LTK: variants seen among roughly 807,000 people sequenced by gnomAD.
LTK encodes the protein leukocyte receptor tyrosine kinase.
In LTK, 117 loss-of-function variants were observed where a neutral mutation model predicts 101.5. The ratio of observed to expected loss-of-function variants is 1.15; its 90% confidence interval spans 0.99 to 1.34. LTK has a LOEUF of 1.34. LTK is among the 40% of genes most tolerant of loss of function. The probability of loss-of-function intolerance (pLI) is 0.00; values close to 1 mark genes in which losing one functional copy is unlikely to be tolerated. For synonymous variants in LTK, 563 were observed against 494.2 expected, an observed-to-expected ratio of 1.14 and a Z score of -1.85; for missense variants, 1,252 against 1,164.7, an observed-to-expected ratio of 1.07 and a Z score of -1.09.
chr15:41,511,339 C>A lies in LTK; in HGVS notation c.822G>T (p.Gly274=). The A allele has an allele frequency of 7.4e-7, 1 of 1,359,898 alleles. No individual in the cohort carries two copies. Among genetic ancestry groups the A allele is most frequent in the Non-Finnish European group, 9.4e-7 (1 of 1,064,032 alleles). 84.2% of individuals were successfully genotyped at this position (1,359,898 alleles called of 1,614,324 possible). A position where few individuals can be genotyped will look rare whatever the true frequency, so the allele number is the denominator to read the frequency against. Residue 274 remains glycine (G), a synonymous_variant, in exon 7 of 20, where the codon GGG becomes GGT. Coordinates refer to ENST00000263800, the MANE Select transcript of LTK (RefSeq NM_002344.6). This position sits in a 1 kb window ranked among gnomAD's most constrained non-coding sequence, Gnocchi z 5.9. The part of the protein sequence containing the change: ...SGGRGGAAGG[G]GGWTSRAPSP... ...AGGGAGCCCGCGACGTCCAGCCGCC[C>A]CCACCACCTGCAGAGCGACAGCAGG...
chr15:41,508,339 T>A, intron 8 of LTK, 118 bp from the exon 9 acceptor site: 2 of 818,128 alleles, frequency 2.4e-6, no homozygotes, highest in Non-Finnish European at 3.6e-6. Flanking sequence ...GAGGCCGTGG[T>A]GAGCGGATCA....
chr15:41,504,468 T>C (rs772598510), intron 18 of LTK, 36 bp from the exon 19 acceptor site: 2 of 1,613,844 alleles, frequency 1.2e-6, no homozygotes, highest in Non-Finnish European at 1.7e-6. Context: ...CACCCATGGT[T>C]GTGAAGGACC....
At chr15:41,506,969 C>T in intron 11 of LTK, 126 bp downstream of exon 11, 1 of 825,582 alleles carries the variant, frequency 1.2e-6, no homozygotes. Context: ...CTCAGGGCCT[C>T]CCTCTCCCTT....
rs781404572 is a variant in LTK at position 41,511,263 on chromosome 15, A to T, written c.898T>A (p.Cys300Ser). 1.8e-5 allele frequency: 26 copies of T among 1,420,108 alleles called. No individual in the cohort carries two copies. The East Asian group carries it at 4.6e-4, about 25-fold the overall frequency. The allele number at this position is 1,420,108 out of a possible 1,614,324, so 88.0% of individuals were successfully genotyped here. ...LQEGAEGGQG[C>S]SEAWATLGWA... ...CCAAGGGTCGCCCAAGCCTCGGAGC[A>T]GCCCTGGCCGCCCTCCGCCCCCTCC... Residue 300 changes from cysteine to serine, a missense_variant, in exon 7 of 20, where the codon TGC becomes AGC. Coordinates refer to ENST00000263800, the MANE Select transcript of LTK (RefSeq NM_002344.6). This position sits in a 1 kb window ranked among gnomAD's most constrained non-coding sequence, Gnocchi z 5.9.
At position 41,511,566 on chromosome 15, in the gene LTK, C is replaced by T; in HGVS notation, c.670G>A (p.Glu224Lys). The change falls in exon 6 of 20, where the codon GAG becomes AAG. Residue 224 changes from glutamate (E) to lysine (K), a missense_variant. Glu to Lys is a moderately conservative substitution (Grantham distance 56). Transcript: ENST00000263800. This position sits in a 1 kb window ranked among gnomAD's most constrained non-coding sequence, Gnocchi z 5.9. ...ATYVFRVRAG[E>K]LEPLLVAAGG... Reference sequence around the variant, plus strand: ...GCCGCCACCAGCAACGGTTCCAGCTCGCCAGCGCGCACCTGTGGGGCCAGC... The same window carrying T: ...GCCGCCACCAGCAACGGTTCCAGCTTGCCAGCGCGCACCTGTGGGGCCAGC... 6.9e-7 allele frequency: 1 copy of T among 1,446,992 alleles called. No individual in the cohort carries two copies. The highest frequency in any genetic ancestry group is 9.0e-7 in the Non-Finnish European group (1 of 1,111,956). The allele number at this position is 1,446,992 out of a possible 1,614,324, so 89.6% of individuals were successfully genotyped here. A position where few individuals can be genotyped will look rare whatever the true frequency, so the allele number is the denominator to read the frequency against.
At position 41,512,244 on chromosome 15, in the gene LTK, C is replaced by T. The variant is rs1056719377; in HGVS notation, c.381G>A (p.Ala127=). 1.2e-6 allele frequency: 2 copies of T among 1,612,482 alleles called. No homozygotes were observed. Among genetic ancestry groups the T allele is most frequent in the African/African-American group, 2.7e-5 (2 of 74,896 alleles). ...GQYLISAYGA[A]GGKGAKNHLS... ...GGTGGTTCTTGGCGCCTTTGCCGCC[C>T]GCGGCTCCGTAGGCTGAGATCCTGC... The change falls in exon 4 of 20, where the codon GCG becomes GCA. Residue 127 remains alanine, a synonymous_variant. Transcript: ENST00000263800.
intron 9 of LTK, among the ~76,000 whole-genome samples, 169 bp downstream of exon 9, chr15:41,507,900 G>A (rs2051338428): frequency 6.6e-6 from 1 of 152,126 alleles, no homozygotes; most frequent in Admixed American, 6.5e-5. Context: ...CACACTGGAC[G>A]ACAGGCCTCT....
Position 41,505,403 on chromosome 15 carries a change from G to A in LTK, c.1825C>T (p.Leu609=), listed in dbSNP as rs537767736. ...GGGGGCTAAGACAAGGGTCTCACCAGGTGTGGCCGACTGTGCCTCAGGAAA... is the reference window on the plus strand; with the variant it reads ...GGGGGCTAAGACAAGGGTCTCACCAAGTGTGGCCGACTGTGCCTCAGGAAA... ...KSFLRHSRPH[L]GQPSPLVMRD... is the part of the protein sequence containing the mutation. Residue 609 remains leucine (L), a splice_region_variant and synonymous_variant, in exon 14 of 20, where the codon CTG becomes TTG. Coordinates refer to ENST00000263800, the MANE Select transcript of LTK (RefSeq NM_002344.6). The A allele has an allele frequency of 1.9e-6, 3 of 1,613,826 alleles. No individual in the cohort carries two copies. The highest frequency in any genetic ancestry group is 2.5e-6 in the Non-Finnish European group (3 of 1,179,984).
intron 13 of LTK, 85 bp from the exon 14 acceptor site, chr15:41,505,615 G>A: frequency 1.2e-6 from 2 of 1,605,106 alleles, no homozygotes; most frequent in South Asian, 1.1e-5. Flanking sequence ...GAGGCCCTCT[G>A]TGTCCCCTGA....
Position 41,507,761 on chromosome 15 carries a change from T to A in LTK, c.1250-104A>T. ...CTCAGCTCAAGTGTTAATTTTTCCA[T>A]GATGCCTTCCCCCATTATCCTGGGC... On this transcript the variant is annotated intron_variant, in intron 9 of 19. Transcript: ENST00000263800. 3.2e-6 allele frequency: 4 copies of A among 1,266,526 alleles called. No homozygotes were observed. The South Asian group carries it at 6.0e-5, about 19-fold the overall frequency. The allele number at this position is 1,266,526 out of a possible 1,614,324, so 78.5% of individuals were successfully genotyped here.
chr15:41,505,449 C>T lies in LTK; in HGVS notation c.1779G>A (p.Met593Ile). ...GGAAACTCTTCATGTCCCCTCCAGA[C>T]ATCAGTTCCAGCAGAATGAGGCGAG... ...ATPRLILLEL[M>I]SGGDMKSFLR... Residue 593 changes from methionine to isoleucine, a missense_variant, in exon 14 of 20, where the codon ATG (methionine) becomes ATA (isoleucine). Met to Ile is a conservative substitution (Grantham distance 10). Coordinates refer to ENST00000263800, the MANE Select transcript of LTK (RefSeq NM_002344.6). 5.6e-6 allele frequency: 9 copies of T among 1,614,128 alleles called. No individual in the cohort carries two copies. The highest frequency in any genetic ancestry group is 1.3e-5 in the African/African-American group (1 of 75,026).
chr15:41,506,992 T>G, intron 11 of LTK, 103 bp downstream of exon 11: 1 of 1,164,822 alleles, frequency 8.6e-7, no homozygotes, highest in Non-Finnish European at 1.2e-6. Context: ...ACAAGGGATG[T>G]GGGCCAGATT....
At chr15:41,506,031 G>A (rs2051270021) in intron 11 of LTK, 26 bp from the exon 12 acceptor site, 1 of 1,533,316 alleles carries the variant, frequency 6.5e-7, no homozygotes, top group Non-Finnish European at 9.0e-7. Context: ...TTGGAAGGGA[G>A]TGGGCAGGCG....
In LTK at chr15:41,504,091, T is replaced by C; in HGVS notation, c.2500A>G (p.Ser834Gly). 1 of 1,614,056 alleles carries C rather than the reference T, an allele frequency of 6.2e-7. No individual in the cohort carries two copies. The highest frequency in any genetic ancestry group is 8.5e-7 in the Non-Finnish European group (1 of 1,180,022). Residue 834 changes from serine (S) to glycine (G), a missense_variant, in exon 20 of 20, where the codon AGC becomes GGC. Transcript: ENST00000263800. ...GAGGACAGCCAGGGGCCAAGAGGGCTACCTCCCCAGCTTTTCAACTTCTCT... is the reference window on the plus strand; with the variant it reads ...GAGGACAGCCAGGGGCCAAGAGGGCCACCTCCCCAGCTTTTCAACTTCTCT... ...SPEKLKSWGG[S>G]PLGPWLSSGL...
At position 41,504,487 on chromosome 15, in the gene LTK, C is replaced by T. The variant is rs376142141; in HGVS notation, c.2255+19G>A. On this transcript the variant is annotated intron_variant, in intron 18 of 19. Coordinates refer to ENST00000263800, the MANE Select transcript of LTK (RefSeq NM_002344.6). ...CATGGTTGTGAAGGACCTCCCTTCCCGGGCAGCACTCAACTCACACAGGCC... is the reference window on the plus strand; with the variant it reads ...CATGGTTGTGAAGGACCTCCCTTCCTGGGCAGCACTCAACTCACACAGGCC... The T allele has an allele frequency of 9.0e-5, 145 of 1,613,350 alleles. No homozygotes were observed. The highest frequency in any genetic ancestry group is 1.5e-4 in the South Asian group (14 of 91,042).
At position 41,505,442 on chromosome 15, in the gene LTK, C is replaced by G. The variant is rs375596775; in HGVS notation, c.1786G>C (p.Gly596Arg). The G allele has an allele frequency of 3.1e-6, 5 of 1,614,134 alleles. No individual in the cohort carries two copies. In the South Asian group the frequency reaches 5.5e-5, roughly 18 times the overall value. ...TGCCTCAGGAAACTCTTCATGTCCC[C>G]TCCAGACATCAGTTCCAGCAGAATG... The part of the protein sequence containing the change: ...RLILLELMSG[G>R]DMKSFLRHSR... The change falls in exon 14 of 20, where the codon GGG becomes CGG. Residue 596 changes from glycine (G) to arginine (R), a missense_variant. Transcript: ENST00000263800.
rs760972527 is a variant in LTK, at chr15:41,505,723, G to A, written c.1687C>T (p.Leu563Phe). 1.2e-6 allele frequency: 2 copies of A among 1,613,878 alleles called. No homozygotes were observed. Among genetic ancestry groups the A allele is most frequent in the South Asian group, 1.1e-5 (1 of 91,064 alleles). The change falls in exon 13 of 20, where the codon CTC (leucine) becomes TTC (phenylalanine). Residue 563 changes from leucine (L) to phenylalanine (F), a missense_variant. Coordinates refer to ENST00000263800, the MANE Select transcript of LTK (RefSeq NM_002344.6). ...TGGTCCCAGGTGCACCTGATGATGA[G>A]GGCCTCCATGAGGAAATCCAGCTCA... The part of the protein sequence containing the change: ...QDELDFLMEA[L>F]IISKFRHQNI...
chr15:41,508,511 C>T (rs952359790), intron 8 of LTK, among the ~76,000 whole-genome samples: 2 of 151,862 alleles, frequency 1.3e-5, no homozygotes. Context: ...GACCCAAGAT[C>T]GCACCACTGC....
chr15:41,512,407 G>C (rs1262938007), intron 3 of LTK, 142 bp from the exon 4 acceptor site: 5 of 970,504 alleles, frequency 5.2e-6, no homozygotes, highest in Non-Finnish European at 7.5e-6. Context: ...GGGATGGGAA[G>C]GGTAGGTTTG....
Sources: gnomAD v4.1 joint callset for allele counts (sites outside exome capture counted in the v4.1 genomes callset) on GRCh38, gnomAD v4.1.1 for gene constraint, Gnocchi (gnomAD v3.1) non-coding constraint, MANE v1.5 for transcripts, NCBI Gene and HGNC (gene_info 2026-07-23, HGNC 2026-07-21) for gene names.